SOX5: variants seen among roughly 807,000 people sequenced by gnomAD.
SOX5 encodes the protein transcription factor SOX-5.
A neutral mutation model predicts 92.0 loss-of-function variants in SOX5; 9 were observed. The observed-to-expected ratio is 0.10, with a 90% confidence interval of 0.06 to 0.17. SOX5 has a LOEUF of 0.17. Ranked by LOEUF, SOX5 falls within the 10% of genes least tolerant of loss-of-function variation. SOX5 has a pLI of 1.00. For synonymous variants in SOX5, 344 were observed against 336.3 expected, an observed-to-expected ratio of 1.02 and a Z score of -0.25; for missense variants, 642 against 944.5, an observed-to-expected ratio of 0.68 and a Z score of 4.20.
At chr12:23,539,505 G>A (rs1941425457) in intron 13 of SOX5, among the ~76,000 whole-genome samples, 1 of 151,860 alleles carries the variant, frequency 6.6e-6, no homozygotes, top group South Asian at 2.1e-4. Context: ...CTCCCGTGGG[G>A]CTCACAAAGA....
intron 2 of SOX5, among the ~76,000 whole-genome samples, chr12:24,335,622 G>C (rs999792731): frequency 6.6e-6 from 1 of 152,018 alleles, no homozygotes; most frequent in Admixed American, 6.6e-5. Context: ...CGTTTAAAAT[G>C]CAAATATCCT....
At chr12:24,322,993 T>G (rs1950347033) in intron 2 of SOX5, among the ~76,000 whole-genome samples, 1 of 152,066 alleles carries the variant, frequency 6.6e-6, no homozygotes, top group Admixed American at 6.6e-5. Context: ...TTTTGTTTTG[T>G]TTTTTTAAAA....
chr12:24,528,736 G>T lies in SOX5; in HGVS notation c.-251+33593C>A, dbSNP rs114353476. Among the ~76,000 whole-genome samples the T allele has an allele frequency of 3.9e-3, 593 of 152,272 alleles. 2 individuals carry two copies. The highest frequency in any genetic ancestry group is 0.014 in the African/African-American group (572 of 41,540). On this transcript the variant is annotated intron_variant, in intron 1 of 4. Transcript: ENST00000446891. ...TATGTGACCTTGAAAATCTCATCCA[G>T]CATCCTCAGTGGATCTAGAGGAAGC...
chr12:24,538,147 AG>A (rs1255533820), intron 1 of SOX5, among the ~76,000 whole-genome samples: 1 of 152,146 alleles, frequency 6.6e-6, no homozygotes, highest in African/African-American at 2.4e-5. Context: ...TTGAATAGAA[AG>A]GCTCCCAGGG....
intron 4 of SOX5, among the ~76,000 whole-genome samples, chr12:24,137,500 C>T (rs1043042940): frequency 3.9e-5 from 6 of 152,072 alleles, no homozygotes; most frequent in Admixed American, 2.0e-4. Flanking sequence ...GGCATGGTGG[C>T]GCGCACCTGT....
intron 3 of SOX5, among the ~76,000 whole-genome samples, chr12:24,276,113 T>A (rs1260419936): frequency 6.6e-6 from 1 of 152,090 alleles, no homozygotes; most frequent in Non-Finnish European, 1.5e-5. Flanking sequence ...TATATTGGTA[T>A]TTTTGCCTGT....
intron 3 of SOX5, among the ~76,000 whole-genome samples, chr12:24,254,211 C>T (rs777098686): frequency 6.6e-6 from 1 of 151,746 alleles, no homozygotes; most frequent in South Asian, 2.1e-4. Context: ...TGGGTCTCAT[C>T]GGGACATAAT....
At chr12:24,212,576 G>C in intron 4 of SOX5, 1 of 494,368 alleles carries the variant, frequency 2.0e-6, no homozygotes, top group Non-Finnish European at 4.1e-6. Flanking sequence ...ATAATAGTGA[G>C]AGTTGTGAGC....
chr12:24,479,760 G>A (rs1018958121), intron 1 of SOX5, among the ~76,000 whole-genome samples: 11 of 152,158 alleles, frequency 7.2e-5, no homozygotes, highest in African/African-American at 2.7e-4. Context: ...GTGCCTCCCA[G>A]GTTCAAGCAA....
intron 4 of SOX5, among the ~76,000 whole-genome samples, chr12:24,093,642 A>G (rs955295224): frequency 6.0e-4 from 90 of 150,822 alleles, no homozygotes; most frequent in Non-Finnish European, 1.1e-3. Flanking sequence ...TTGTCATCCT[A>G]GTTTCCCCCA....
chr12:24,180,754 T>C (rs1955403475), intron 4 of SOX5, among the ~76,000 whole-genome samples: 1 of 152,236 alleles, frequency 6.6e-6, no homozygotes, highest in Non-Finnish European at 1.5e-5. Flanking sequence ...TTCAAAATTA[T>C]CTGACTGTAC....
At chr12:23,744,656 T>G (rs1485374372) in intron 4 of SOX5, among the ~76,000 whole-genome samples, 1 of 152,182 alleles carries the variant, frequency 6.6e-6, no homozygotes, top group Non-Finnish European at 1.5e-5. Context: ...TAAAAGTGTA[T>G]AGTAAAAGAT....
At chr12:24,416,754 T>C (rs1441634371) in intron 1 of SOX5, among the ~76,000 whole-genome samples, 1 of 152,240 alleles carries the variant, frequency 6.6e-6, no homozygotes, top group Non-Finnish European at 1.5e-5. Context: ...TATTACAATG[T>C]AGCAAAGTTG....
chr12:24,338,861 T>A (rs540063273), intron 2 of SOX5, among the ~76,000 whole-genome samples: 52 of 152,270 alleles, frequency 3.4e-4, no homozygotes, highest in Middle Eastern at 6.8e-3. Context: ...GCCTCCCCAG[T>A]CATGTGGATG....
At chr12:23,765,969 A>G (rs924120235) in intron 3 of SOX5, among the ~76,000 whole-genome samples, 2 of 152,154 alleles carry the variant, frequency 1.3e-5, no homozygotes, top group African/African-American at 4.8e-5. Flanking sequence ...TGTGACCATC[A>G]CTAAAACCAT....
chr12:23,756,445 A>G (rs2094383104), intron 3 of SOX5, among the ~76,000 whole-genome samples: 3 of 151,678 alleles, frequency 2.0e-5, no homozygotes, highest in Admixed American at 2.0e-4. Flanking sequence ...TTCTACATAT[A>G]ACATAGGTTT....
intron 1 of SOX5, among the ~76,000 whole-genome samples, chr12:23,897,887 T>C (rs897097901): frequency 6.6e-6 from 1 of 152,172 alleles, no homozygotes; most frequent in Non-Finnish European, 1.5e-5. Flanking sequence ...TAGATTTGGA[T>C]ACCACATTTC....
intron 1 of SOX5, among the ~76,000 whole-genome samples, chr12:24,499,002 C>T (rs921024956): frequency 6.6e-6 from 1 of 152,198 alleles, no homozygotes; most frequent in Non-Finnish European, 1.5e-5. Context: ...TGGTGTAATA[C>T]TGCCTTCTCA....
intron 4 of SOX5, among the ~76,000 whole-genome samples, chr12:24,195,075 C>A (rs368598136): frequency 6.6e-6 from 1 of 150,876 alleles, no homozygotes; most frequent in Admixed American, 6.6e-5. Flanking sequence ...AATAATTAAG[C>A]GATTCTTTTC....
Sources: allele counts gnomAD v4.1 joint callset (sites outside exome capture counted in the v4.1 genomes callset), GRCh38; gene constraint gnomAD v4.1.1; transcripts MANE v1.5; gene names NCBI Gene and HGNC (gene_info 2026-07-23, HGNC 2026-07-21).